Variants in COL7A1 observed in about 807,000 individuals in gnomAD.
COL7A1 encodes collagen alpha-1(VII) chain.
Under a neutral mutation model 456.2 loss-of-function variants are expected in COL7A1, and 296 were observed. The observed-to-expected ratio is 0.65, with a 90% CI of 0.59 to 0.71. The LOEUF (loss-of-function observed/expected upper bound fraction) is 0.71. COL7A1 is among the 30% of genes least tolerant of loss of function. The pLI, the probability that COL7A1 is intolerant of heterozygous loss-of-function variation, is 0.00. For missense variants in COL7A1, 3,441 were observed against 4,017.2 expected (o/e 0.86, Z 3.88); for synonymous variants, 1,464 against 1,525.9 (o/e 0.96, Z 0.95).
chr3:48,578,611 G>A lies in COL7A1; in HGVS notation c.5425-96C>T, dbSNP rs2044493916. 3 of 1,385,470 alleles carry A rather than the reference G, an allele frequency of 2.2e-6. No individual in the cohort carries two copies. The highest frequency in any genetic ancestry group is 3.0e-6 in the Non-Finnish European group (3 of 986,576). The allele number at this position is 1,385,470 out of a possible 1,614,324, so 85.8% of individuals were successfully genotyped here. On this transcript the variant is annotated intron_variant, in intron 63 of 118. Transcript: ENST00000681320. This position sits in a 1 kb window ranked among gnomAD's most constrained non-coding sequence, Gnocchi z 4.7. ...AGGACCCCAAAAAGATCTCCCTCCA[G>A]GGTAGAGACCCCCAGGACTGAGAGG...
rs1461593899 is a variant in COL7A1, at chr3:48,587,414, C to G, written c.2992+6G>C. ...CAGCCCACCCAAATCCTGGCCTCCC[C>G]CTCACCCTGGCCAGGGCCTCTGAGT... On this transcript the variant is annotated splice_donor_region_variant and intron_variant, in intron 23 of 118. Coordinates refer to ENST00000681320, the MANE Select transcript of COL7A1 (RefSeq NM_000094.4). The surrounding 1 kb of genome is among the most constrained non-coding windows in gnomAD (Gnocchi z 6.1). 6.2e-7 allele frequency: 1 copy of G among 1,613,220 alleles called. No homozygotes were observed. The highest frequency in any genetic ancestry group is 1.1e-5 in the South Asian group (1 of 91,084).
rs1389015173 is a variant in COL7A1 at position 48,594,547 on chromosome 3, C to T, written c.87G>A (p.Val29=). Residue 29 remains valine (V), a splice_region_variant and synonymous_variant, in exon 3 of 119, where the codon GTG becomes GTA. Transcript: ENST00000681320. This position sits in a 1 kb window ranked among gnomAD's most constrained non-coding sequence, Gnocchi z 5.5. ...CAGCGGCGTAAAGGCGCGTGCAGGTCACTGGGGCGGGCAGGAGAGATCAGG... is the reference window on the plus strand; with the variant it reads ...CAGCGGCGTAAAGGCGCGTGCAGGTTACTGGGGCGGGCAGGAGAGATCAGG... ...PRVRAQHRER[V]TCTRLYAADI... 6.3e-7 allele frequency: 1 copy of T among 1,589,358 alleles called. No individual in the cohort carries two copies. Among genetic ancestry groups the T allele is most frequent in the African/African-American group, 1.3e-5 (1 of 74,410 alleles).
rs774757776 is a variant in COL7A1, at chr3:48,564,445, G to T, written c.8819-23C>A. ...TACCTGGTGAGGACAGGTTGGAAAC[G>T]GTCGTCAGCCATCTGACCTTCCCCG... is the stretch of plus-strand genomic sequence containing the variant. On this transcript the variant is annotated intron_variant, in intron 118 of 118. Transcript: ENST00000681320. This position sits in a 1 kb window ranked among gnomAD's most constrained non-coding sequence, Gnocchi z 6.0. 1.2e-6 allele frequency: 2 copies of T among 1,613,796 alleles called. No homozygotes were observed. Among genetic ancestry groups the T allele is most frequent in the South Asian group, 1.1e-5 (1 of 91,018 alleles).
In COL7A1 at chr3:48,576,682, A is replaced by T. The variant is rs2044325683; in HGVS notation, c.5694T>A (p.Pro1898=). The T allele has an allele frequency of 1.9e-6, 3 of 1,605,674 alleles. No individual in the cohort carries two copies. The highest frequency in any genetic ancestry group is 2.5e-6 in the Non-Finnish European group (3 of 1,176,642). ...AATGACCCAGGACACTCACCTGGCC[A>T]GGAGGGCCCACTGGCCCTGGGAGGC... is the stretch of plus-strand genomic sequence containing the variant. ...PPGLPGPVGP[P]GQGFPGVPGG... Residue 1898 remains proline (P), a synonymous_variant, in exon 68 of 119, where the codon CCT becomes CCA. Transcript: ENST00000681320.
rs370327156 is a variant in COL7A1 at position 48,590,846 on chromosome 3, G to T, written c.1637-30C>A. 45 of 1,609,720 alleles carry T rather than the reference G, an allele frequency of 2.8e-5. No individual in the cohort carries two copies. Among genetic ancestry groups the T allele is most frequent in the Non-Finnish European group, 3.0e-5 (35 of 1,179,862 alleles). ...GAGAGAAGTCAGGGTAGGTGGGCAG[G>T]GGTCAGAAAGAGACAGGGATGTGGG... On this transcript the variant is annotated intron_variant, in intron 13 of 118. Transcript: ENST00000681320. The surrounding 1 kb of genome is among the most constrained non-coding windows in gnomAD (Gnocchi z 4.6).
chr3:48,567,128 C>T lies in COL7A1; in HGVS notation c.8109G>A (p.Arg2703=). ...CACCATGACCATGGCTTCAACTCAC[C>T]CGCTCCCCTTTCTCGCCCTGGTCAC... is the stretch of plus-strand genomic sequence containing the variant. ...PKGDQGEKGE[R]GTPGIGGFPG... Residue 2703 remains arginine, a splice_region_variant and synonymous_variant, in exon 110 of 119, where the codon CGG becomes CGA. Coordinates refer to ENST00000681320, the MANE Select transcript of COL7A1 (RefSeq NM_000094.4). This position sits in a 1 kb window ranked among gnomAD's most constrained non-coding sequence, Gnocchi z 4.3. 9 of 1,614,052 alleles carry T rather than the reference C, an allele frequency of 5.6e-6. No individual in the cohort carries two copies. Among genetic ancestry groups the T allele is most frequent in the Non-Finnish European group, 5.9e-6 (7 of 1,179,976 alleles).
In COL7A1 at chr3:48,583,271, C is replaced by A. The variant is rs1360017919; in HGVS notation, c.4438-100G>T. On this transcript the variant is annotated intron_variant, in intron 42 of 118. Coordinates refer to ENST00000681320, the MANE Select transcript of COL7A1 (RefSeq NM_000094.4). This position sits in a 1 kb window ranked among gnomAD's most constrained non-coding sequence, Gnocchi z 5.1. ...AGGGGTCCCAAACTCCAACCACCCC[C>A]TCCAAAACCACGACCTCTGACCTGG... 3.7e-6 allele frequency: 6 copies of A among 1,603,838 alleles called. No individual in the cohort carries two copies. In the African/African-American group the frequency reaches 8.1e-5, roughly 22 times the overall value.
In COL7A1 at chr3:48,567,321, G is replaced by T; in HGVS notation, c.8047-131C>A. The T allele has an allele frequency of 2.5e-6, 3 of 1,178,166 alleles. No individual in the cohort carries two copies. Among genetic ancestry groups the T allele is most frequent in the Non-Finnish European group, 3.7e-6 (3 of 805,982 alleles). The allele number at this position is 1,178,166 out of a possible 1,614,324, so 73.0% of individuals were successfully genotyped here. ...AACCCAAGCACCTGTGAGCCAACCAGATGTGATCCCCATGACTCCAACTCC... is the reference window on the plus strand; with the variant it reads ...AACCCAAGCACCTGTGAGCCAACCATATGTGATCCCCATGACTCCAACTCC... On this transcript the variant is annotated intron_variant, in intron 109 of 118. Transcript: ENST00000681320. The surrounding 1 kb of genome is among the most constrained non-coding windows in gnomAD (Gnocchi z 4.3).
At position 48,578,798 on chromosome 3, in the gene COL7A1, C is replaced by T. The variant is rs1473817947; in HGVS notation, c.5424+121G>A. 9.3e-7 allele frequency: 1 copy of T among 1,071,818 alleles called. No individual in the cohort carries two copies. The highest frequency in any genetic ancestry group is 1.3e-6 in the Non-Finnish European group (1 of 754,530). The allele number at this position is 1,071,818 out of a possible 1,614,324, so 66.4% of individuals were successfully genotyped here. On this transcript the variant is annotated intron_variant, in intron 63 of 118. Coordinates refer to ENST00000681320, the MANE Select transcript of COL7A1 (RefSeq NM_000094.4). This position sits in a 1 kb window ranked among gnomAD's most constrained non-coding sequence, Gnocchi z 4.7. ...AACCTGTGTGCCAGGGACTGAGACCCTCCCAAAGGCAAGGCTGAACCGACC... is the reference window on the plus strand; with the variant it reads ...AACCTGTGTGCCAGGGACTGAGACCTTCCCAAAGGCAAGGCTGAACCGACC...
Position 48,578,377 on chromosome 3 carries a change from G to A in COL7A1, c.5488-12C>T. On this transcript the variant is annotated splice_polypyrimidine_tract_variant and intron_variant, in intron 64 of 118. Transcript: ENST00000681320. This position sits in a 1 kb window ranked among gnomAD's most constrained non-coding sequence, Gnocchi z 4.7. Reference sequence around the variant, plus strand: ...TCGCCTGGCTTTCCCTGTGGGAACAGATCACTGGTTGGATGTCGGGGATCG... The same window carrying A: ...TCGCCTGGCTTTCCCTGTGGGAACAAATCACTGGTTGGATGTCGGGGATCG... The A allele has an allele frequency of 1.2e-6, 2 of 1,613,474 alleles. No individual in the cohort carries two copies. Among genetic ancestry groups the A allele is most frequent in the Non-Finnish European group, 1.7e-6 (2 of 1,180,020 alleles).
rs2044132119 is a variant in COL7A1 at position 48,574,237 on chromosome 3, G to A, written c.6501+25C>T. 2.5e-6 allele frequency: 4 copies of A among 1,613,784 alleles called. No individual in the cohort carries two copies. The South Asian group carries it at 4.4e-5, about 18-fold the overall frequency. On this transcript the variant is annotated intron_variant, in intron 80 of 118. Coordinates refer to ENST00000681320, the MANE Select transcript of COL7A1 (RefSeq NM_000094.4). The surrounding 1 kb of genome is among the most constrained non-coding windows in gnomAD (Gnocchi z 5.0). ...CCTAGCGGAGGGTCCGGAGCCTGGG[G>A]CCAGGTGCTTCAGCCACCACTCACC...
chr3:48,593,121 G>A lies in COL7A1; in HGVS notation c.663C>T (p.Gly221=), dbSNP rs367607652. 3.2e-5 allele frequency: 51 copies of A among 1,613,956 alleles called. No individual in the cohort carries two copies. The East Asian group carries it at 8.5e-4, about 27-fold the overall frequency. Residue 221 remains glycine (G), a synonymous_variant, in exon 6 of 119, where the codon GGC becomes GGT. Coordinates refer to ENST00000681320, the MANE Select transcript of COL7A1 (RefSeq NM_000094.4). This position sits in a 1 kb window ranked among gnomAD's most constrained non-coding sequence, Gnocchi z 4.4. ...VSRRVCTTAG[G]VPVTRPPDDS... ...ACTCACGAGGTCGGGTCACAGGCAC[G>A]CCACCAGCAGTCGTGCACACTCTCC...
Position 48,566,385 on chromosome 3 carries a change from C to G in COL7A1, c.8359-70G>C. On this transcript the variant is annotated intron_variant, in intron 113 of 118. Transcript: ENST00000681320. The surrounding 1 kb of genome is among the most constrained non-coding windows in gnomAD (Gnocchi z 5.9). ...CAGGAAGGACATAGGGCACATAATA[C>G]AGGGACTATGGTGAGACTGCATGGA... 6.2e-7 allele frequency: 1 copy of G among 1,603,972 alleles called. No individual in the cohort carries two copies. Among genetic ancestry groups the G allele is most frequent in the Non-Finnish European group, 8.5e-7 (1 of 1,173,050 alleles).
In COL7A1 at chr3:48,592,805, C is replaced by T; in HGVS notation, c.816G>A (p.Leu272=). The change falls in exon 7 of 119, where the codon CTG becomes CTA. Residue 272 remains leucine, a synonymous_variant. Transcript: ENST00000681320. The surrounding 1 kb of genome is among the most constrained non-coding windows in gnomAD (Gnocchi z 7.6). ...YKVQYTPLTG[L]GQPLPSERQE... ...GCCGCTCACTCGGCAGTGGCTGTCC[C>T]AGCCCCGTCAGAGGAGTGTACTGGA... The T allele has an allele frequency of 6.2e-7, 1 of 1,613,810 alleles. No individual in the cohort carries two copies. Among genetic ancestry groups the T allele is most frequent in the Non-Finnish European group, 8.5e-7 (1 of 1,180,046 alleles).
rs1408965549 is a variant in COL7A1, at chr3:48,588,361, C to T, written c.2631G>A (p.Gln877=). The T allele has an allele frequency of 1.2e-6, 2 of 1,612,446 alleles. No individual in the cohort carries two copies. Among genetic ancestry groups the T allele is most frequent in the Non-Finnish European group, 1.7e-6 (2 of 1,179,932 alleles). Residue 877 remains glutamine (Q), a synonymous_variant, in exon 21 of 119, where the codon CAG becomes CAA. Coordinates refer to ENST00000681320, the MANE Select transcript of COL7A1 (RefSeq NM_000094.4). This position sits in a 1 kb window ranked among gnomAD's most constrained non-coding sequence, Gnocchi z 4.6. The stretch of plus-strand genomic sequence containing the variant: ...GCAGCCTCAGCGAGTGCTCCCCGCG[C>T]TGCACCACGTGAAGCGTCCCCAGGG... ...PPALGTLHVV[Q]RGEHSLRLRW...
chr3:48,583,318 C>A lies in COL7A1; in HGVS notation c.4437+75G>T. On this transcript the variant is annotated intron_variant, in intron 42 of 118. Transcript: ENST00000681320. This position sits in a 1 kb window ranked among gnomAD's most constrained non-coding sequence, Gnocchi z 5.1. ...CTGGAGGGAACTCTTATCTCCTTAT[C>A]TTCCAGCCTCCCCTAACACCATGGG... 1 of 1,611,114 alleles carries A rather than the reference C, an allele frequency of 6.2e-7. No homozygotes were observed. Among genetic ancestry groups the A allele is most frequent in the South Asian group, 1.1e-5 (1 of 90,972 alleles).
In COL7A1 at chr3:48,565,314, G is replaced by A; in HGVS notation, c.8527+96C>T. On this transcript the variant is annotated intron_variant, in intron 116 of 118. Coordinates refer to ENST00000681320, the MANE Select transcript of COL7A1 (RefSeq NM_000094.4). The surrounding 1 kb of genome is among the most constrained non-coding windows in gnomAD (Gnocchi z 4.5). ...TGCCCATGCGTGTGCCCTGCATGCA[G>A]ACCCTACGTGCTTGGCGTGTGCCCT... 6.7e-7 allele frequency: 1 copy of A among 1,500,956 alleles called. No individual in the cohort carries two copies. Among genetic ancestry groups the A allele is most frequent in the Non-Finnish European group, 9.1e-7 (1 of 1,096,232 alleles). The allele number at this position is 1,500,956 out of a possible 1,614,324, so 93.0% of individuals were successfully genotyped here. A position where few individuals can be genotyped will look rare whatever the true frequency, so the allele number is the denominator to read the frequency against.
chr3:48,575,417 C>T lies in COL7A1; in HGVS notation c.6102G>A (p.Gly2034=), dbSNP rs1168914104. 2 of 1,610,030 alleles carry T rather than the reference C, an allele frequency of 1.2e-6. No individual in the cohort carries two copies. Among genetic ancestry groups the T allele is most frequent in the Non-Finnish European group, 1.7e-6 (2 of 1,178,830 alleles). The change falls in exon 74 of 119, where the codon GGG becomes GGA. Residue 2034 remains glycine, a synonymous_variant. Transcript: ENST00000681320. The surrounding 1 kb of genome is among the most constrained non-coding windows in gnomAD (Gnocchi z 6.3). Reference sequence around the variant, plus strand: ...CGGGAATACCAGGCTTTCCAGGCTCCCCGGCAAGGCCGGAAGGCCCGGGGG... The same window carrying T: ...CGGGAATACCAGGCTTTCCAGGCTCTCCGGCAAGGCCGGAAGGCCCGGGGG... The part of the protein sequence containing the change: ...RGPPGPSGLA[G]EPGKPGIPGL...
At position 48,575,131 on chromosome 3, in the gene COL7A1, A is replaced by G. The variant is rs756435479; in HGVS notation, c.6217-5T>C. 29 of 1,613,820 alleles carry G rather than the reference A, an allele frequency of 1.8e-5. No individual in the cohort carries two copies. The South Asian group carries it at 2.7e-4, about 15-fold the overall frequency. ...TCCAGGAGGGCCATCTCTGCCCTGC[A>G]GGAAACAAGAAAATGGGGTGGCAGC... is the stretch of plus-strand genomic sequence containing the variant. On this transcript the variant is annotated splice_polypyrimidine_tract_variant and splice_region_variant and intron_variant, in intron 75 of 118. Transcript: ENST00000681320. This position sits in a 1 kb window ranked among gnomAD's most constrained non-coding sequence, Gnocchi z 6.3.
Sources: gnomAD v4.1 joint callset for allele counts on GRCh38, gnomAD v4.1.1 for gene constraint, Gnocchi (gnomAD v3.1) non-coding constraint, MANE v1.5 for transcripts, NCBI Gene and HGNC (gene_info 2026-07-23, HGNC 2026-07-21) for gene names.